KDM4B: variants seen among roughly 807,000 people sequenced by gnomAD.
KDM4B encodes the protein lysine-specific demethylase 4B.
A neutral mutation model predicts 125.2 loss-of-function variants in KDM4B; 32 were observed. That is an observed-to-expected ratio of 0.26 (90% CI 0.19 to 0.34). The LOEUF (loss-of-function observed/expected upper bound fraction) is 0.34. KDM4B is among the 10% of genes least tolerant of loss of function. The pLI, the probability that KDM4B is intolerant of heterozygous loss-of-function variation, is 1.00. For missense variants in KDM4B, 1,190 were observed against 1,577.7 expected, an observed-to-expected ratio of 0.75 and a Z score of 4.16; for synonymous variants, 721 against 677.9, an observed-to-expected ratio of 1.06 and a Z score of -0.99.
At chr19:5,066,432 C>CA (rs2037771803) in intron 6 of KDM4B, among the ~76,000 whole-genome samples, 1 of 152,116 alleles carries the variant, frequency 6.6e-6, no homozygotes, top group Non-Finnish European at 1.5e-5. Flanking sequence ...TGTGCTGCCT[C>CA]ACATGTGTCT....
intron 3 of KDM4B, among the ~76,000 whole-genome samples, chr19:5,036,015 G>T (rs1004778094): frequency 6.6e-6 from 1 of 152,194 alleles, no homozygotes; most frequent in African/African-American, 2.4e-5. Context: ...CTGCAGCTCT[G>T]TGGGGACAGA....
chr19:5,138,091 C>G (rs770810745), intron 18 of KDM4B, 21 bp downstream of exon 18: 2 of 1,578,250 alleles, frequency 1.3e-6, no homozygotes, highest in Admixed American at 1.7e-5. Context: ...GCGGTCGAGG[C>G]CCACCCTGCC....
rs746551503 is a variant in KDM4B, at chr19:5,151,418, G to A, written c.3198G>A (p.Pro1066=). ...KAAKRPRVGT[P]LATEDSGRSQ... ...CCAAGCGCCCGCGTGTGGGCACCCCGCTTGCCACGGAGGACTCCGGGCGGA... is the reference window on the plus strand; with the variant it reads ...CCAAGCGCCCGCGTGTGGGCACCCCACTTGCCACGGAGGACTCCGGGCGGA... The change falls in exon 23 of 23, where the codon CCG becomes CCA. Residue 1066 remains proline (P), a synonymous_variant. Coordinates refer to ENST00000159111, the MANE Select transcript of KDM4B (RefSeq NM_015015.3). 17 of 1,574,414 alleles carry A rather than the reference G, an allele frequency of 1.1e-5. No individual in the cohort carries two copies. Among genetic ancestry groups the A allele is most frequent in the East Asian group, 2.3e-5 (1 of 42,614 alleles).
intron 11 of KDM4B, among the ~76,000 whole-genome samples, chr19:5,121,298 G>C (rs187939682): frequency 7.9e-4 from 121 of 152,320 alleles, no homozygotes; most frequent in African/African-American, 2.8e-3. Flanking sequence ...GGTGGGGTAC[G>C]TGGGCCCTGC....
chr19:5,064,971 T>G (rs990281918), intron 6 of KDM4B, among the ~76,000 whole-genome samples: 1 of 152,218 alleles, frequency 6.6e-6, no homozygotes, highest in African/African-American at 2.4e-5. Context: ...AGGCAGAGGC[T>G]GTGAGGGGAC....
chr19:5,083,231 T>C (rs1002840221), intron 9 of KDM4B, among the ~76,000 whole-genome samples: 2 of 152,230 alleles, frequency 1.3e-5, no homozygotes, highest in Admixed American at 1.3e-4. Flanking sequence ...TGTGTGGCTG[T>C]TCTCGACCAT....
At position 5,106,573 on chromosome 19, in the gene KDM4B, C is replaced by T. The variant is rs569785232; in HGVS notation, c.919-4049C>T. 8.5e-5 allele frequency among the ~76,000 whole-genome samples: 13 copies of T among 152,354 alleles called. No homozygotes were observed. In the East Asian group the frequency reaches 2.5e-3, roughly 29 times the overall value. On this transcript the variant is annotated intron_variant, in intron 9 of 22. Transcript: ENST00000159111. ...AGCAGCCACCCGGCAGCCACCCCTC[C>T]CTCTGCTGTCACTAGCTTTGGGCAG...
In KDM4B at chr19:5,131,636, CG is replaced by C. The variant is rs1329142984; in HGVS notation, c.1785+96del. 134 of 122,724 alleles carry C rather than the reference CG, an allele frequency of 1.1e-3. 1 individual carries two copies. The highest frequency in any genetic ancestry group is 5.1e-3 in the Middle Eastern group (2 of 390). The allele number at this position is 122,724 out of a possible 1,614,324, so 7.6% of individuals were successfully genotyped here. ...AGGTGGGGCACAGGGGAGCTGGTGG[CG>C]GGGGAGGGGGCAGGGAGGAGGGGAC... On this transcript the variant is annotated intron_variant, in intron 12 of 22. Transcript: ENST00000159111.
intron 7 of KDM4B, chr19:5,076,650 C>T (rs1234209680): frequency 1.8e-5 from 3 of 163,418 alleles, no homozygotes; most frequent in Non-Finnish European, 2.6e-5. Context: ...CGTGCTCTCT[C>T]GTTGAATGAG....
intron 16 of KDM4B, 24 bp downstream of exon 16, chr19:5,137,362 G>T (rs985921652): frequency 6.5e-7 from 1 of 1,548,008 alleles, no homozygotes; most frequent in Non-Finnish European, 8.7e-7. Context: ...CGCAGCGGGG[G>T]TGGTGCTCTG....
At chr19:5,145,398 TGGTGAAACCCTG>T (rs2039824368) in intron 21 of KDM4B, among the ~76,000 whole-genome samples, 1 of 152,022 alleles carries the variant, frequency 6.6e-6, no homozygotes, top group Non-Finnish European at 1.5e-5. Context: ...CTGGCCAACA[TGGTGAAACCCTG>T]TCTCTACTAA....
intron 3 of KDM4B, among the ~76,000 whole-genome samples, chr19:5,038,870 C>A (rs1427953331): frequency 1.3e-5 from 2 of 152,266 alleles, no homozygotes; most frequent in South Asian, 4.1e-4. Flanking sequence ...ACCCTCCCTG[C>A]GCCTGCACTT....
chr19:5,121,703 G>A (rs1215909769), intron 11 of KDM4B, among the ~76,000 whole-genome samples: 1 of 152,080 alleles, frequency 6.6e-6, no homozygotes, highest in Non-Finnish European at 1.5e-5. Context: ...TAAATAAACA[G>A]AAGGACCTAC....
At position 5,110,827 on chromosome 19, in the gene KDM4B, C is replaced by T. The variant is rs1228068164; in HGVS notation, c.1115+9C>T. The T allele has an allele frequency of 1.3e-6, 2 of 1,558,106 alleles. No homozygotes were observed. Among genetic ancestry groups the T allele is most frequent in the Non-Finnish European group, 1.7e-6 (2 of 1,152,614 alleles). On this transcript the variant is annotated intron_variant, in intron 10 of 22. Coordinates refer to ENST00000159111, the MANE Select transcript of KDM4B (RefSeq NM_015015.3). ...GCCAAGCTCCTCCGCAGGTGAGTTGCCAAGGGACTGCCGCGTGACTGCCCA... is the reference window on the plus strand; with the variant it reads ...GCCAAGCTCCTCCGCAGGTGAGTTGTCAAGGGACTGCCGCGTGACTGCCCA...
chr19:5,150,235 G>T, intron 21 of KDM4B, 123 bp from the exon 22 acceptor site: 1 of 655,434 alleles, frequency 1.5e-6, no homozygotes, highest in Non-Finnish European at 2.6e-6. Context: ...TTGGCTGCAT[G>T]TGGCCTCTAG....
intron 1 of KDM4B, among the ~76,000 whole-genome samples, chr19:5,002,978 C>CT (rs1307265181): frequency 6.6e-6 from 1 of 152,174 alleles, no homozygotes; most frequent in Non-Finnish European, 1.5e-5. Flanking sequence ...TGAGTCTTTA[C>CT]TTTCTTTGCC....
At chr19:5,122,230 TTCC>T (rs2039374202) in intron 11 of KDM4B, among the ~76,000 whole-genome samples, 1 of 152,144 alleles carries the variant, frequency 6.6e-6, no homozygotes, top group Non-Finnish European at 1.5e-5. Context: ...TCAGAGCCCC[TTCC>T]TCCTCCTTCA....
rs958393405 is a variant in KDM4B at position 5,151,780 on chromosome 19, C to G, written c.*269C>G. On this transcript the variant is annotated 3_prime_UTR_variant, in exon 23 of 23. Transcript: ENST00000159111. Reference sequence around the variant, plus strand: ...TAAACCATGTAAGCTCTCTTCTTCTCGAAAAGGTGCTACTGCAATGCCCTA... The same window carrying G: ...TAAACCATGTAAGCTCTCTTCTTCTGGAAAAGGTGCTACTGCAATGCCCTA... The G allele has an allele frequency of 2.8e-6, 1 of 362,668 alleles. No homozygotes were observed. The highest frequency in any genetic ancestry group is 4.9e-6 in the Non-Finnish European group (1 of 203,150). 22.5% of individuals were successfully genotyped at this position (362,668 alleles called of 1,614,324 possible). A position where few individuals can be genotyped will look rare whatever the true frequency, so the allele number is the denominator to read the frequency against.
chr19:4,994,104 C>G (rs2035122307), intron 1 of KDM4B, among the ~76,000 whole-genome samples: 1 of 146,182 alleles, frequency 6.8e-6, no homozygotes, highest in African/African-American at 2.6e-5. Context: ...ACCACCATAC[C>G]TGGCTAATTT....
Sources: allele counts gnomAD v4.1 joint callset (sites outside exome capture counted in the v4.1 genomes callset), GRCh38; gene constraint gnomAD v4.1.1; transcripts MANE v1.5; gene names NCBI Gene and HGNC (gene_info 2026-07-23, HGNC 2026-07-21).